The following TMIGD3 variants were observed in gnomAD, a reference collection of about 807,000 sequenced individuals.
The protein encoded by TMIGD3 is transmembrane and immunoglobulin domain containing 3.
In TMIGD3, 21 loss-of-function variants were observed where a neutral mutation model predicts 28.1. The ratio of observed to expected loss-of-function variants is 0.75; its 90% CI spans 0.53 to 1.08. The LOEUF is 1.08. TMIGD3 is among the 50% of genes least tolerant of loss of function. TMIGD3 has a pLI of 0.00. For synonymous variants in TMIGD3, 151 were observed against 162.1 expected (o/e 0.93, Z 0.52); for missense variants, 416 against 435.6 (o/e 0.96, Z 0.40).
At chr1:111,556,289 C>A (rs56904089) in intron 1 of TMIGD3, among the ~76,000 whole-genome samples, 58,241 of 152,006 alleles carry the variant, frequency 0.38, 11,522 homozygotes, top group Non-Finnish European at 0.44. Flanking sequence ...ATTGGTGAGG[C>A]TATAGAGAAA....
At chr1:111,492,241 A>G (rs1351510671) in intron 1 of TMIGD3, among the ~76,000 whole-genome samples, 1 of 152,152 alleles carries the variant, frequency 6.6e-6, no homozygotes, top group Non-Finnish European at 1.5e-5. Flanking sequence ...TAACCACCCA[A>G]CCAAAATGCC....
chr1:111,506,954 CATAT>C (rs66516240), upstream of TMIGD3, among the ~76,000 whole-genome samples: 1,119 of 143,288 alleles, frequency 7.8e-3, 18 homozygotes, highest in African/African-American at 0.027. Flanking sequence ...TATACACACA[CATAT>C]ATATATACAC....
At chr1:111,536,288 A>G (rs1656638466) in intron 1 of TMIGD3, among the ~76,000 whole-genome samples, 1 of 151,950 alleles carries the variant, frequency 6.6e-6, no homozygotes, top group African/African-American at 2.4e-5. Context: ...AGAGTCACTC[A>G]TTATTAATAT....
intron 1 of TMIGD3, among the ~76,000 whole-genome samples, chr1:111,561,416 C>T (rs1657731214): frequency 6.6e-6 from 1 of 152,216 alleles, no homozygotes; most frequent in East Asian, 1.9e-4. Context: ...GCCACCGTGC[C>T]CAGCTCCAAT....
At chr1:111,519,055 C>T (rs1429742139) in intron 1 of TMIGD3, among the ~76,000 whole-genome samples, 1 of 152,310 alleles carries the variant, frequency 6.6e-6, no homozygotes, top group East Asian at 1.9e-4. Flanking sequence ...TCTCCTGCCT[C>T]ATCCTCCCAA....
At chr1:111,543,595 G>A (rs1406037020) in intron 1 of TMIGD3, among the ~76,000 whole-genome samples, 1 of 147,920 alleles carries the variant, frequency 6.8e-6, no homozygotes, top group Non-Finnish European at 1.5e-5. Context: ...TAGGCCCTCT[G>A]TCTTAAGGAG....
At position 111,488,677 on chromosome 1, in the gene TMIGD3, C is replaced by T. The variant is rs560415833; in HGVS notation, c.805G>A (p.Asp269Asn). The T allele has an allele frequency of 6.2e-7, 1 of 1,612,230 alleles. No homozygotes were observed. The highest frequency in any genetic ancestry group is 1.1e-5 in the South Asian group (1 of 90,978). The part of the protein sequence containing the change: ...TLANDFWSGK[D>N]LSGNKTRSCK... The stretch of plus-strand genomic sequence containing the variant: ...GCCAGACCCCAGGCAGGCTCCTTAC[C>T]TTTCCCAGACCAAAAGTCATTGGCC... The change falls in exon 3 of 6, where the codon GAC (aspartate) becomes AAC (asparagine). Residue 269 changes from aspartate to asparagine, a missense_variant and splice_region_variant. By Grantham distance (23) the Asp-to-Asn change is conservative. Transcript: ENST00000369716.
intron 4 of TMIGD3, 129 bp downstream of exon 4, chr1:111,486,457 G>A: frequency 1.5e-6 from 1 of 677,164 alleles, no homozygotes; most frequent in Non-Finnish European, 2.7e-6. Flanking sequence ...ACATAGTTAA[G>A]GTGGAGAAAT....
At chr1:111,522,731 TG>T in intron 1 of TMIGD3, among the ~76,000 whole-genome samples, 2 of 152,220 alleles carry the variant, frequency 1.3e-5, no homozygotes, top group South Asian at 4.2e-4. Flanking sequence ...TTGGTCAGGC[TG>T]GTCTCGAACT....
chr1:111,527,817 C>T (rs1329884950), intron 1 of TMIGD3, among the ~76,000 whole-genome samples: 14 of 152,160 alleles, frequency 9.2e-5, no homozygotes, highest in Admixed American at 2.0e-4. Context: ...GCTGTCTGTT[C>T]AGGTCTTTTG....
At chr1:111,504,492 C>T (rs143859193), upstream of TMIGD3, among the ~76,000 whole-genome samples, 3 of 152,328 alleles carry the variant, frequency 2.0e-5, no homozygotes, top group African/African-American at 4.8e-5. Context: ...GACACTTGCA[C>T]GCCATTGTTA....
At chr1:111,516,128 C>T (rs534548148) in intron 1 of TMIGD3, among the ~76,000 whole-genome samples, 3 of 152,368 alleles carry the variant, frequency 2.0e-5, no homozygotes, top group Admixed American at 6.5e-5. Context: ...GGCAGGGCCG[C>T]GGTCCAGGGC....
upstream of TMIGD3, among the ~76,000 whole-genome samples, chr1:111,506,566 T>C (rs559400387): frequency 9.5e-4 from 144 of 152,328 alleles, 1 homozygote; most frequent in Middle Eastern, 6.8e-3. Flanking sequence ...AGGTTCCGAA[T>C]GGCAGCCCTC....
At chr1:111,539,030 C>T (rs1427056934) in intron 1 of TMIGD3, among the ~76,000 whole-genome samples, 1 of 152,212 alleles carries the variant, frequency 6.6e-6, no homozygotes, top group Non-Finnish European at 1.5e-5. Context: ...AGTGATATCC[C>T]AGCCTTAGCA....
At chr1:111,493,739 G>A (rs558494498) in intron 1 of TMIGD3, among the ~76,000 whole-genome samples, 7 of 152,242 alleles carry the variant, frequency 4.6e-5, no homozygotes, top group East Asian at 1.9e-4. Context: ...AGCTTAAGTC[G>A]CTTGCCCACA....
At chr1:111,509,158 G>A (rs2786994) in intron 1 of TMIGD3, among the ~76,000 whole-genome samples, 8,469 of 152,194 alleles carry the variant, frequency 0.056, 299 homozygotes, top group African/African-American at 0.099. Context: ...CCTCGCTTAA[G>A]ATGAGAATGG....
chr1:111,485,023 C>T (rs979021988), intron 5 of TMIGD3, among the ~76,000 whole-genome samples: 1 of 152,136 alleles, frequency 6.6e-6, no homozygotes, highest in Non-Finnish European at 1.5e-5. Context: ...TCTGATGCTG[C>T]CCTAAAGGGA....
intron 1 of TMIGD3, among the ~76,000 whole-genome samples, chr1:111,557,884 T>G (rs1454736492): frequency 1.3e-5 from 2 of 152,164 alleles, no homozygotes; most frequent in Admixed American, 1.3e-4. Context: ...TAAGCTTCCT[T>G]AAATTGTTAG....
chr1:111,526,373 G>A (rs969171397), intron 1 of TMIGD3, among the ~76,000 whole-genome samples: 7 of 152,252 alleles, frequency 4.6e-5, no homozygotes, highest in South Asian at 4.1e-4. Context: ...TAATGGTTTT[G>A]TAAGGGGCTT....
Sources: allele counts gnomAD v4.1 joint callset (sites outside exome capture counted in the v4.1 genomes callset), GRCh38; gene constraint gnomAD v4.1.1; transcripts MANE v1.5; gene names NCBI Gene and HGNC (gene_info 2026-07-23, HGNC 2026-07-21).